CNKSR2: variants seen among roughly 807,000 people sequenced by gnomAD.
CNKSR2 encodes the protein connector enhancer of kinase suppressor of Ras 2.
A neutral mutation model predicts 84.4 loss-of-function variants in CNKSR2; 14 were observed. The observed-to-expected ratio is 0.17, with a 90% CI of 0.11 to 0.26. CNKSR2 has a LOEUF of 0.26. Ranked by LOEUF, CNKSR2 falls within the 10% of genes least tolerant of loss-of-function variation. The probability of loss-of-function intolerance (pLI) is 1.00; values close to 1 mark genes in which losing one functional copy is unlikely to be tolerated. For synonymous variants in CNKSR2, 275 were observed against 277.9 expected (o/e 0.99, Z 0.10); for missense variants, 485 against 771.2 (o/e 0.63, Z 4.40).
At chrX:21,541,837 G>A (rs1297330659) in intron 11 of CNKSR2, among the ~76,000 whole-genome samples, 3 of 112,288 alleles carry the variant, frequency 2.7e-5, no homozygotes, top group Admixed American at 9.5e-5. Context: ...AAGTGATAGA[G>A]CTAGGATTAA....
chrX:21,438,176 C>T (rs1055475964), intron 3 of CNKSR2, among the ~76,000 whole-genome samples: 3 of 111,752 alleles, frequency 2.7e-5, no homozygotes, highest in African/African-American at 9.8e-5. Context: ...GCCTACTACA[C>T]ACCTAAACTA....
intron 1 of CNKSR2, among the ~76,000 whole-genome samples, chrX:21,408,807 T>G (rs2147003612): frequency 9.0e-6 from 1 of 111,078 alleles, no homozygotes; most frequent in East Asian, 2.8e-4. Context: ...CCATATATTT[T>G]TGTCCTCTTA....
At chrX:21,392,296 A>AT (rs2146968176) in intron 1 of CNKSR2, among the ~76,000 whole-genome samples, 1 of 111,478 alleles carries the variant, frequency 9.0e-6, no homozygotes, top group African/African-American at 3.3e-5. Flanking sequence ...CTACATACCA[A>AT]TTTTTTGTGT....
chrX:21,387,266 G>C (rs1425327752), intron 1 of CNKSR2, among the ~76,000 whole-genome samples: 1 of 111,560 alleles, frequency 9.0e-6, no homozygotes, highest in African/African-American at 3.3e-5. Context: ...CAAATCACTT[G>C]AGCTCAGGAG....
rs2092188800 is a variant in CNKSR2, at chrX:21,561,485, A to G, written c.1318A>G (p.Ile440Val). ...STPTYGKLRPISMPVEYNWVG... is the reference protein window; with the variant it reads ...STPTYGKLRPVSMPVEYNWVG... ...TCTGTGTTTAGGCAAGCTACGACCT[A>G]TATCTATGCCAGTGGAATATAATTG... Residue 440 changes from isoleucine to valine, a missense_variant, in exon 12 of 22, where the codon ATA becomes GTA. Ile to Val is a conservative substitution (Grantham distance 29). This residue lies in a region of CNKSR2 where 132 missense variants were observed against 166.7 expected (regional missense o/e 0.79). Coordinates refer to ENST00000379510, the MANE Select transcript of CNKSR2 (RefSeq NM_014927.5). 2 of 1,205,681 alleles carry G rather than the reference A, an allele frequency of 1.7e-6. No homozygotes were observed. Among genetic ancestry groups the G allele is most frequent in the South Asian group, 1.8e-5 (1 of 56,690 alleles).
chrX:21,591,811 G>A (rs1001412005), intron 15 of CNKSR2: 4 of 110,800 alleles, frequency 3.6e-5, no homozygotes, highest in South Asian at 7.6e-4. Context: ...AACTTATTAC[G>A]TATCTTGACA....
At chrX:21,644,941 A>G (rs2092702597) in intron 20 of CNKSR2, 1 of 112,163 alleles carries the variant, frequency 8.9e-6, no homozygotes, top group South Asian at 3.7e-4. Flanking sequence ...AAATACGTCA[A>G]CCAAAGACTT....
At chrX:21,522,473 C>T (rs1011776899) in intron 9 of CNKSR2, among the ~76,000 whole-genome samples, 3 of 110,744 alleles carry the variant, frequency 2.7e-5, no homozygotes, top group Non-Finnish European at 5.7e-5. Flanking sequence ...AGCTGGGTCA[C>T]GTACTAGAAA....
intron 7 of CNKSR2, among the ~76,000 whole-genome samples, chrX:21,499,350 C>CT (rs1354393118): frequency 1.8e-5 from 2 of 111,344 alleles, no homozygotes; most frequent in African/African-American, 6.5e-5. Flanking sequence ...GGGGGTTCAT[C>CT]TTTATAAACA....
At position 21,374,662 on chromosome X, in the gene CNKSR2, A is replaced by T. The variant is rs1187915184; in HGVS notation, c.-236A>T. ...GCCGCCGCCGCCTTAGCGGGAACTG[A>T]GCAGACCCGGCGCGGAGCCACGACT... On this transcript the variant is annotated 5_prime_UTR_variant, in exon 1 of 22. Transcript: ENST00000379510. 1 of 511,522 alleles carries T rather than the reference A, an allele frequency of 2.0e-6. No individual in the cohort carries two copies. Among genetic ancestry groups the T allele is most frequent in the Non-Finnish European group, 3.5e-6 (1 of 289,440 alleles). 42.2% of individuals were successfully genotyped at this position (511,522 alleles called of 1,213,427 possible).
intron 4 of CNKSR2, among the ~76,000 whole-genome samples, chrX:21,454,676 A>G (rs1025620052): frequency 1.8e-5 from 2 of 112,440 alleles, no homozygotes; most frequent in African/African-American, 6.4e-5. Flanking sequence ...CGTGAAGATC[A>G]AGTTATTCCT....
At chrX:21,622,055 C>G (rs577909967) in intron 20 of CNKSR2, among the ~76,000 whole-genome samples, 3 of 110,504 alleles carry the variant, frequency 2.7e-5, no homozygotes, top group African/African-American at 9.8e-5. Flanking sequence ...TTATAACCTT[C>G]TAGTTTAAAG....
At chrX:21,514,857 G>A (rs1204922618) in intron 8 of CNKSR2, among the ~76,000 whole-genome samples, 4 of 110,684 alleles carry the variant, frequency 3.6e-5, no homozygotes, top group Non-Finnish European at 7.6e-5. Flanking sequence ...TTTTTGGCAA[G>A]CAAAATGAAC....
In CNKSR2 at chrX:21,399,920, A is replaced by G. The variant is rs952378176; in HGVS notation, c.64+24959A>G. On this transcript the variant is annotated intron_variant, in intron 1 of 21. Transcript: ENST00000379510. ...CTCATTTTTAAAATGAAGAAATAAC[A>G]CCTACCTCAAAGAGTACTGAGGTTT... is the stretch of plus-strand genomic sequence containing the variant. 2.7e-5 allele frequency among the ~76,000 whole-genome samples: 3 copies of G among 111,313 alleles called. No homozygotes were observed. The Admixed American group carries it at 2.9e-4, about 11-fold the overall frequency.
chrX:21,619,627 T>A (rs947621225), intron 20 of CNKSR2, among the ~76,000 whole-genome samples: 9 of 110,999 alleles, frequency 8.1e-5, no homozygotes, highest in South Asian at 3.8e-4. Context: ...AATTTTTTTT[T>A]AATTTTTGTT....
intron 4 of CNKSR2, among the ~76,000 whole-genome samples, chrX:21,461,961 CAG>C (rs748430933): frequency 7.1e-5 from 8 of 112,012 alleles, no homozygotes; most frequent in African/African-American, 2.6e-4. Flanking sequence ...AATTTCAAGT[CAG>C]GTGTTGTGAT....
intron 8 of CNKSR2, chrX:21,504,853 A>G: frequency 3.4e-6 from 1 of 295,434 alleles, no homozygotes; most frequent in Non-Finnish European, 5.9e-6. Flanking sequence ...CCAGATAGGA[A>G]GAAGAAAAAA....
At chrX:21,641,496 T>C in intron 20 of CNKSR2, 1 of 1,167,591 alleles carries the variant, frequency 8.6e-7, no homozygotes, top group Non-Finnish European at 1.1e-6. Context: ...CACTCGCAGG[T>C]CTTTCATCAT....
Position 21,526,852 on chromosome X carries a change from T to C in CNKSR2, c.958-15T>C. 1 of 1,190,158 alleles carries C rather than the reference T, an allele frequency of 8.4e-7. No individual in the cohort carries two copies. Among genetic ancestry groups the C allele is most frequent in the East Asian group, 3.0e-5 (1 of 33,395 alleles). ...TGTTTGTGTGCGTATGTATTTTCTT[T>C]TTCATTTTAACCAGCCTCTTATACC... On this transcript the variant is annotated splice_polypyrimidine_tract_variant and intron_variant, in intron 9 of 21. Coordinates refer to ENST00000379510, the MANE Select transcript of CNKSR2 (RefSeq NM_014927.5).
Sources: allele counts gnomAD v4.1 joint callset (sites outside exome capture counted in the v4.1 genomes callset), GRCh38; gene constraint gnomAD v4.1.1; regional missense constraint gnomAD v4.1.1; transcripts MANE v1.5; gene names NCBI Gene and HGNC (gene_info 2026-07-23, HGNC 2026-07-21).